PCCA: variants seen among roughly 807,000 people sequenced by gnomAD.
PCCA encodes propionyl-CoA carboxylase subunit alpha.
In PCCA, 74 loss-of-function variants were observed where a neutral mutation model predicts 101.3. That is an observed-to-expected ratio of 0.73 (90% CI 0.61 to 0.89). The LOEUF (loss-of-function observed/expected upper bound fraction) is 0.89. PCCA is among the 40% of genes least tolerant of loss of function. PCCA has a pLI of 0.00. For synonymous variants in PCCA, 294 were observed against 313.6 expected (o/e 0.94, Z 0.66); for missense variants, 891 against 907.0 (o/e 0.98, Z 0.23).
chr13:100,316,946 G>A (rs1377355237), intron 16 of PCCA, among the ~76,000 whole-genome samples: 2 of 151,818 alleles, frequency 1.3e-5, no homozygotes, highest in African/African-American at 2.4e-5. Flanking sequence ...GCTAATTTTT[G>A]TATTTTTAGT....
rs573064512 is a variant in PCCA, at chr13:100,437,999, A to T, written c.1846-11253A>T. Among the ~76,000 whole-genome samples the T allele has an allele frequency of 1.1e-4, 17 of 152,212 alleles. No homozygotes were observed. In the East Asian group the frequency reaches 3.1e-3, roughly 28 times the overall value. The stretch of plus-strand genomic sequence containing the variant: ...TTTAAAATTTCTTAGTAGTCATATT[A>T]AAAAAGATGAAACAAGTGGAATTAA... On this transcript the variant is annotated intron_variant, in intron 20 of 23. Coordinates refer to ENST00000376285, the MANE Select transcript of PCCA (RefSeq NM_000282.4).
intron 6 of PCCA, among the ~76,000 whole-genome samples, chr13:100,204,668 A>G (rs1323784752): frequency 6.6e-6 from 1 of 152,242 alleles, no homozygotes; most frequent in East Asian, 1.9e-4. Flanking sequence ...TCATTTCCTT[A>G]ACATACTGCT....
At chr13:100,433,517 AC>A (rs1291813440) in intron 20 of PCCA, among the ~76,000 whole-genome samples, 1 of 151,780 alleles carries the variant, frequency 6.6e-6, no homozygotes, top group Non-Finnish European at 1.5e-5. Flanking sequence ...TTTTTTTTAA[AC>A]CCTTTATTTC....
chr13:100,373,083 T>G (rs72658576), intron 19 of PCCA, among the ~76,000 whole-genome samples: 2,869 of 152,106 alleles, frequency 0.019, 51 homozygotes, highest in Non-Finnish European at 0.032. Context: ...TATAAAGAAA[T>G]TTTTCAACTC....
At chr13:100,323,876 T>C (rs2068344376) in intron 16 of PCCA, among the ~76,000 whole-genome samples, 2 of 152,198 alleles carry the variant, frequency 1.3e-5, no homozygotes, top group African/African-American at 4.8e-5. Context: ...ACTAAAGCTT[T>C]GAGAGGTTAA....
intron 21 of PCCA, among the ~76,000 whole-genome samples, chr13:100,468,184 A>G (rs1464260418): frequency 6.6e-6 from 1 of 152,240 alleles, no homozygotes; most frequent in Admixed American, 6.5e-5. Flanking sequence ...TCAGTAAACC[A>G]TGCCCTAAAC....
At chr13:100,183,530 A>G (rs2056984680) in intron 6 of PCCA, among the ~76,000 whole-genome samples, 1 of 152,192 alleles carries the variant, frequency 6.6e-6, no homozygotes, top group Non-Finnish European at 1.5e-5. Flanking sequence ...TGACGAAGTC[A>G]TCCATTTTGA....
intron 6 of PCCA, among the ~76,000 whole-genome samples, chr13:100,169,482 A>T (rs2055402695): frequency 6.6e-6 from 1 of 151,232 alleles, no homozygotes; most frequent in South Asian, 2.1e-4. Flanking sequence ...AGGATTAGTC[A>T]CTTTTGTATG....
At chr13:100,159,813 G>A (rs2054269949) in intron 6 of PCCA, among the ~76,000 whole-genome samples, 1 of 152,110 alleles carries the variant, frequency 6.6e-6, no homozygotes, top group Admixed American at 6.5e-5. Flanking sequence ...TCTCTGGGTG[G>A]GTGTGCCTGG....
chr13:100,289,959 A>C (rs2065001613), intron 12 of PCCA, among the ~76,000 whole-genome samples: 1 of 152,122 alleles, frequency 6.6e-6, no homozygotes, highest in African/African-American at 2.4e-5. Flanking sequence ...CTTCAGTAGA[A>C]TGTGTGGAAT....
chr13:100,120,444 A>C (rs952959583), intron 4 of PCCA, among the ~76,000 whole-genome samples: 2 of 152,048 alleles, frequency 1.3e-5, no homozygotes, highest in African/African-American at 2.4e-5. Context: ...GTTTCTAAGG[A>C]GGATTTGCAG....
intron 20 of PCCA, among the ~76,000 whole-genome samples, chr13:100,448,213 G>A (rs1333424634): frequency 2.0e-5 from 3 of 152,054 alleles, no homozygotes; most frequent in South Asian, 4.1e-4. Context: ...TTTTTGAGAC[G>A]GAGTCTCACT....
rs2063420337 is a variant in PCCA at position 100,273,215 on chromosome 13, A to T, written c.934A>T (p.Thr312Ser). The T allele has an allele frequency of 1.9e-6, 3 of 1,613,348 alleles. No individual in the cohort carries two copies. Among genetic ancestry groups the T allele is most frequent in the African/African-American group, 1.3e-5 (1 of 75,006 alleles). The change falls in exon 12 of 24, where the codon ACT becomes TCT. Residue 312 changes from threonine (T) to serine (S), a missense_variant. Coordinates refer to ENST00000376285, the MANE Select transcript of PCCA (RefSeq NM_000282.4). The part of the protein sequence containing the change: ...EAPSIFLDAE[T>S]RRAMGEQAVA... Reference sequence around the variant, plus strand: ...ATGTAGCATTTTTTTGGATGCGGAGACTCGAAGAGCGATGGGAGAACAAGC... The same window carrying T: ...ATGTAGCATTTTTTTGGATGCGGAGTCTCGAAGAGCGATGGGAGAACAAGC...
At chr13:100,257,956 C>G (rs1377480937) in intron 9 of PCCA, among the ~76,000 whole-genome samples, 1 of 152,008 alleles carries the variant, frequency 6.6e-6, no homozygotes, top group African/African-American at 2.4e-5. Flanking sequence ...AGTCAGGATT[C>G]TATTTTCTGG....
At chr13:100,177,875 A>G (rs975329914) in intron 6 of PCCA, among the ~76,000 whole-genome samples, 7 of 152,282 alleles carry the variant, frequency 4.6e-5, no homozygotes, top group African/African-American at 1.7e-4. Context: ...TATATAAAGT[A>G]TGTCTTTAAA....
intron 13 of PCCA, among the ~76,000 whole-genome samples, chr13:100,302,251 A>T (rs2066121650): frequency 6.6e-6 from 1 of 152,202 alleles, no homozygotes; most frequent in Admixed American, 6.5e-5. Flanking sequence ...ACTTTTCGAC[A>T]TCAAAAATGT....
At chr13:100,459,223 A>ACT (rs2082011046) in intron 21 of PCCA, among the ~76,000 whole-genome samples, 1 of 152,046 alleles carries the variant, frequency 6.6e-6, no homozygotes, top group Non-Finnish European at 1.5e-5. Flanking sequence ...ACCTCATTTA[A>ACT]CTCATTATGT....
rs2063409702 is a variant in PCCA, at chr13:100,273,129, G to GCACACAAAAGA, written c.915-67_915-66insCACACAAAAGA. ...GAGTAAACTTTAAGAAAATGTTTAT[G>GCACACAAAAGA]TAATGCACACAAAAGATAACTTGAT... On this transcript the variant is annotated intron_variant, in intron 11 of 23. Transcript: ENST00000376285. 26 of 1,150,176 alleles carry GCACACAAAAGA rather than the reference G, an allele frequency of 2.3e-5. 1 individual carries two copies. The South Asian group carries it at 3.1e-4, about 14-fold the overall frequency. The allele number at this position is 1,150,176 out of a possible 1,614,324, so 71.2% of individuals were successfully genotyped here. A position where few individuals can be genotyped will look rare whatever the true frequency, so the allele number is the denominator to read the frequency against.
intron 21 of PCCA, among the ~76,000 whole-genome samples, chr13:100,508,668 C>CTTCACTG (rs1322961919): frequency 6.6e-6 from 1 of 152,218 alleles, no homozygotes; most frequent in Non-Finnish European, 1.5e-5. Context: ...TTAACACCAG[C>CTTCACTG]TTCACTGAGG....
Sources: gnomAD v4.1 joint callset for allele counts (sites outside exome capture counted in the v4.1 genomes callset) on GRCh38, gnomAD v4.1.1 for gene constraint, MANE v1.5 for transcripts, NCBI Gene and HGNC (gene_info 2026-07-23, HGNC 2026-07-21) for gene names.